DEPDC4: variants seen among roughly 807,000 people sequenced by gnomAD.
DEPDC4 encodes DEP domain-containing protein 4.
In DEPDC4, 52 loss-of-function variants were observed where a neutral mutation model predicts 52.0. The ratio of observed to expected loss-of-function variants is 1.00; its 90% confidence interval spans 0.80 to 1.26. The LOEUF (loss-of-function observed/expected upper bound fraction) is 1.26, where lower values mean the gene tolerates loss of function less well. Among genes scored for constraint, DEPDC4 ranks in the 50% most tolerant of loss-of-function variants. The pLI, the probability that DEPDC4 is intolerant of heterozygous loss-of-function variation, is 0.00. For synonymous variants in DEPDC4, 201 were observed against 196.8 expected (o/e 1.02, Z -0.18); for missense variants, 530 against 546.9 (o/e 0.97, Z 0.31).
chr12:100,247,213 T>TG (rs1400957023), intron 8 of DEPDC4, among the ~76,000 whole-genome samples: 1 of 136,042 alleles, frequency 7.4e-6, no homozygotes, highest in East Asian at 2.0e-4. Flanking sequence ...TTTTTTTTTT[T>TG]TTTTTTTTTT....
Position 100,267,035 on chromosome 12 carries a change from A to T in DEPDC4, c.42T>A (p.Val14=). Residue 14 remains valine (V), a synonymous_variant, in exon 1 of 10, where the codon GTT becomes GTA. Transcript: ENST00000550587. ...GEEPARELMA[V]LLTPRFRRLV... Reference sequence around the variant, plus strand: ...GTCTACGGAACCTCGGAGTCAAAAGAACCGCCATAAGCTCGCGCGCTGGCT... The same window carrying T: ...GTCTACGGAACCTCGGAGTCAAAAGTACCGCCATAAGCTCGCGCGCTGGCT... The T allele has an allele frequency of 6.2e-7, 1 of 1,613,998 alleles. No individual in the cohort carries two copies. Among genetic ancestry groups the T allele is most frequent in the Non-Finnish European group, 8.5e-7 (1 of 1,179,936 alleles).
chr12:100,272,918 C>G, the DEPDC4 span, among the ~76,000 whole-genome samples: 1 of 152,118 alleles, frequency 6.6e-6, no homozygotes, highest in Non-Finnish European at 1.5e-5. Flanking sequence ...ATAACTAGCA[C>G]CTTTGAAATA....
chr12:100,238,956 T>C (rs2096148208), downstream of DEPDC4, among the ~76,000 whole-genome samples: 4 of 152,370 alleles, frequency 2.6e-5, no homozygotes, highest in Admixed American at 2.6e-4. Context: ...CTGACAGCCA[T>C]GGATTGTCTT....
chr12:100,265,509 T>C (rs541289680), intron 1 of DEPDC4, among the ~76,000 whole-genome samples: 8 of 152,008 alleles, frequency 5.3e-5, no homozygotes, highest in East Asian at 3.9e-4. Flanking sequence ...GGCAGGAGAA[T>C]TGCTAGAACC....
the DEPDC4 span, among the ~76,000 whole-genome samples, chr12:100,273,964 G>T: frequency 1.3e-5 from 2 of 152,152 alleles, no homozygotes; most frequent in Non-Finnish European, 2.9e-5. Context: ...ATAGAATTTT[G>T]TATCCTTTCA....
rs189665236 is a variant in DEPDC4 at position 100,261,729 on chromosome 12, C to A, written c.700+535G>T. On this transcript the variant is annotated intron_variant, in intron 3 of 9. Transcript: ENST00000550587. ...GTGTTATTAGATGTATATTGCCTCA[C>A]CTGTCTTATCTGATGTAATTGCTGT... is the stretch of plus-strand genomic sequence containing the variant. 77 of 456,668 alleles carry A rather than the reference C, an allele frequency of 1.7e-4. No homozygotes were observed. The East Asian group carries it at 5.3e-3, about 31-fold the overall frequency. The allele number at this position is 456,668 out of a possible 1,614,324, so 28.3% of individuals were successfully genotyped here. A position where few individuals can be genotyped will look rare whatever the true frequency, so the allele number is the denominator to read the frequency against.
At position 100,252,496 on chromosome 12, in the gene DEPDC4, T is replaced by C. The variant is rs745799988; in HGVS notation, c.1146A>G (p.Leu382=). 5.0e-6 allele frequency: 8 copies of C among 1,609,414 alleles called. No homozygotes were observed. The African/African-American group carries it at 8.0e-5, about 16-fold the overall frequency. The change falls in exon 6 of 10, where the codon CTA becomes CTG. Residue 382 remains leucine, a synonymous_variant. Transcript: ENST00000550587. ...TGTTCAGCAACAGCAATCTTAGATA[T>C]AGTTGTGTTGCTTCAAGTGCTTCTG... is the stretch of plus-strand genomic sequence containing the variant. ...KRAEALEATQ[L]YLRLLLLNIR...
the DEPDC4 span, among the ~76,000 whole-genome samples, chr12:100,274,081 G>T: frequency 6.6e-6 from 1 of 152,146 alleles, no homozygotes; most frequent in Non-Finnish European, 1.5e-5. Context: ...TTACAAAAAT[G>T]CAGCATTAAA....
the DEPDC4 span, among the ~76,000 whole-genome samples, chr12:100,280,874 G>A: frequency 6.6e-6 from 1 of 151,902 alleles, no homozygotes; most frequent in African/African-American, 2.4e-5. Flanking sequence ...AACAACTACT[G>A]ATCATTATGC....
intron 7 of DEPDC4, among the ~76,000 whole-genome samples, chr12:100,251,306 G>C (rs2096206793): frequency 6.6e-6 from 1 of 152,056 alleles, no homozygotes; most frequent in Non-Finnish European, 1.5e-5. Flanking sequence ...TAACACCATT[G>C]AAAGTATTCA....
At chr12:100,252,662 A>G (rs2153910269) in intron 5 of DEPDC4, 126 bp from the exon 6 acceptor site, 1 of 862,376 alleles carries the variant, frequency 1.2e-6, no homozygotes, top group African/African-American at 1.7e-5. Context: ...TTCTACAATT[A>G]AAATTTTTTA....
At chr12:100,239,708 G>A (rs183511752), downstream of DEPDC4, among the ~76,000 whole-genome samples, 39 of 151,280 alleles carry the variant, frequency 2.6e-4, no homozygotes, top group South Asian at 8.4e-4. Context: ...TTTTTTCCCC[G>A]CAAGACAGGG....
chr12:100,269,987 C>CT (rs548843835), upstream of DEPDC4, among the ~76,000 whole-genome samples: 757 of 142,974 alleles, frequency 5.3e-3, 3 homozygotes, highest in African/African-American at 0.01. Flanking sequence ...AGATTTTATA[C>CT]TTTTTTTTTT....
chr12:100,272,802 G>A, the DEPDC4 span, among the ~76,000 whole-genome samples: 2 of 151,808 alleles, frequency 1.3e-5, no homozygotes, highest in South Asian at 2.1e-4. Flanking sequence ...TGCTATTTTT[G>A]TAATTCAGCA....
chr12:100,270,375 T>C (rs1192864750), upstream of DEPDC4, among the ~76,000 whole-genome samples: 1 of 152,160 alleles, frequency 6.6e-6, no homozygotes, highest in Non-Finnish European at 1.5e-5. Context: ...TTATTCCTTG[T>C]CCCTCTTCTC....
At chr12:100,273,339 C>G in the DEPDC4 span, among the ~76,000 whole-genome samples, 1 of 152,148 alleles carries the variant, frequency 6.6e-6, no homozygotes, top group Non-Finnish European at 1.5e-5. Context: ...TATTCCTCTT[C>G]TTTTTGTTCC....
At chr12:100,237,405 A>C (rs1294150668), downstream of DEPDC4, among the ~76,000 whole-genome samples, 1 of 151,858 alleles carries the variant, frequency 6.6e-6, no homozygotes, top group Non-Finnish European at 1.5e-5. Context: ...ATGGGTTTTC[A>C]CCATGTTGGC....
chr12:100,263,828 C>T lies in DEPDC4; in HGVS notation c.223G>A (p.Val75Met), dbSNP rs1426071291. The T allele has an allele frequency of 6.2e-7, 1 of 1,614,030 alleles. No individual in the cohort carries two copies. The highest frequency in any genetic ancestry group is 1.3e-5 in the African/African-American group (1 of 74,926). ...TGATGCCTCCTTCTTTTTATTTCCA[C>T]TTGGGCCTGAAGAGAGTGAATAATA... ...DGIIHSLQAQ[V>M]EIKRRRHHLQ... Residue 75 changes from valine to methionine, a missense_variant, in exon 2 of 10, where the codon GTG (valine) becomes ATG (methionine). Transcript: ENST00000550587.
the DEPDC4 span, among the ~76,000 whole-genome samples, chr12:100,278,774 C>T: frequency 6.6e-6 from 1 of 151,742 alleles, no homozygotes; most frequent in South Asian, 2.1e-4. Flanking sequence ...GGACTACAGG[C>T]GCGTACCACC....
Sources: gnomAD v4.1 joint callset for allele counts (sites outside exome capture counted in the v4.1 genomes callset) on GRCh38, gnomAD v4.1.1 for gene constraint, MANE v1.5 for transcripts, NCBI Gene and HGNC (gene_info 2026-07-23, HGNC 2026-07-21) for gene names.